SOWAHD: variants seen among roughly 807,000 people sequenced by gnomAD.
SOWAHD encodes the protein ankyrin repeat domain-containing protein SOWAHD.
For missense variants in SOWAHD, 295 were observed against 297.7 expected, an observed-to-expected ratio of 0.99 and a Z score of 0.07; for synonymous variants, 142 against 147.2, an observed-to-expected ratio of 0.96 and a Z score of 0.26.
rs772340940 is a variant in SOWAHD at position 119,759,280 on chromosome X, G to T, written c.613G>T (p.Val205Leu). The T allele has an allele frequency of 1.3e-5, 15 of 1,192,564 alleles. No individual in the cohort carries two copies. Among genetic ancestry groups the T allele is most frequent in the Non-Finnish European group, 1.7e-5 (15 of 887,723 alleles). ...ALQGHDMVIK[V>L]LVGALGADAT... ...TCAGGGCCACGACATGGTCATCAAGGTGCTGGTGGGCGCCCTGGGTGCTGA... is the reference window on the plus strand; with the variant it reads ...TCAGGGCCACGACATGGTCATCAAGTTGCTGGTGGGCGCCCTGGGTGCTGA... The change falls in exon 1 of 1, where the codon GTG becomes TTG. Residue 205 changes from valine (V) to leucine (L), a missense_variant. Physicochemically the swap from Val to Leu is conservative, Grantham distance 32. Transcript: ENST00000343905.
Position 119,758,777 on chromosome X carries a change from G to C in SOWAHD, c.110G>C (p.Gly37Ala). 8.5e-7 allele frequency: 1 copy of C among 1,172,100 alleles called. No homozygotes were observed. The highest frequency in any genetic ancestry group is 1.1e-6 in the Non-Finnish European group (1 of 882,634). Residue 37 changes from glycine (G) to alanine (A), a missense_variant, in exon 1 of 1, where the codon GGT becomes GCT. Transcript: ENST00000343905. ...CCCCGCCCCTCGAGAGCGGACACTG[G>C]TAGCCTGGGCAGGTACTGGGGCAAA... ...PQPRPSRADT[G>A]SLGRYWGKAA...
chrX:119,758,979 C>T lies in SOWAHD; in HGVS notation c.312C>T (p.Gly104=), dbSNP rs2055531538. ...AEELGGPSGP[G]SSRLCLEPRE... The stretch of plus-strand genomic sequence containing the variant: ...AGCTGGGCGGGCCGAGTGGGCCGGG[C>T]AGCAGCAGGCTGTGCCTGGAACCGC... The change falls in exon 1 of 1, where the codon GGC becomes GGT. Residue 104 remains glycine, a synonymous_variant. Transcript: ENST00000343905. 2.7e-6 allele frequency: 3 copies of T among 1,127,279 alleles called. No individual in the cohort carries two copies. The East Asian group carries it at 1.0e-4, about 38-fold the overall frequency. The allele number at this position is 1,127,279 out of a possible 1,213,427, so 92.9% of individuals were successfully genotyped here.
In SOWAHD at chrX:119,759,121, C is replaced by CT. The variant is rs1256190131; in HGVS notation, c.455dup (p.His153AlafsTer61). ...CGACCCGATCACCGGCTACTCGGTT[C>CT]TGCACTGGCTGGCCAAGCACGGGCG... On this transcript the variant is annotated frameshift_variant, in exon 1 of 1. Coordinates refer to ENST00000343905, the MANE Select transcript of SOWAHD (RefSeq NM_001105576.3). LOFTEE classifies it low-confidence loss of function (END_TRUNC). The CT allele has an allele frequency of 8.4e-7, 1 of 1,187,929 alleles. No homozygotes were observed. Among genetic ancestry groups the CT allele is most frequent in the Non-Finnish European group, 1.1e-6 (1 of 886,913 alleles).
rs768169201 is a variant in SOWAHD, at chrX:119,759,157, C to A, written c.490C>A (p.Leu164Ile). ...GGCCAAGCACGGGCGCCACGAGGAGCTCATTCTGGTACACGATTTCGCCCT... is the reference window on the plus strand; with the variant it reads ...GGCCAAGCACGGGCGCCACGAGGAGATCATTCTGGTACACGATTTCGCCCT... Reference protein sequence around the residue: ...WLAKHGRHEELILVHDFALRR... With the variant: ...WLAKHGRHEEIILVHDFALRR... The change falls in exon 1 of 1, where the codon CTC (leucine) becomes ATC (isoleucine). Residue 164 changes from leucine to isoleucine, a missense_variant. Transcript: ENST00000343905. 1.9e-5 allele frequency: 22 copies of A among 1,187,457 alleles called. No individual in the cohort carries two copies. Among genetic ancestry groups the A allele is most frequent in the East Asian group, 6.1e-5 (2 of 32,951 alleles).
In SOWAHD at chrX:119,758,735, T is replaced by G; in HGVS notation, c.68T>G (p.Leu23Arg). 8.6e-7 allele frequency: 1 copy of G among 1,167,258 alleles called. No individual in the cohort carries two copies. Among genetic ancestry groups the G allele is most frequent in the Non-Finnish European group, 1.1e-6 (1 of 880,250 alleles). Reference protein sequence around the residue: ...TASLAPTSQSLRCAPQPRPSR... With the variant: ...TASLAPTSQSRRCAPQPRPSR... Reference sequence around the variant, plus strand: ...TCTCTCGCGCCGACCTCGCAGAGCCTGCGGTGCGCCCCGCAGCCCCGCCCC... The same window carrying G: ...TCTCTCGCGCCGACCTCGCAGAGCCGGCGGTGCGCCCCGCAGCCCCGCCCC... The change falls in exon 1 of 1, where the codon CTG becomes CGG. Residue 23 changes from leucine to arginine, a missense_variant. Transcript: ENST00000343905.
In SOWAHD at chrX:119,759,719, C is replaced by CT; in HGVS notation, c.*106dup. On this transcript the variant is annotated 3_prime_UTR_variant, in exon 1 of 1. Transcript: ENST00000343905. ...CGAAGGAGAGGCGCCTTGGACGCTG[C>CT]TTGGGCCTGCAAGGAACAGAACACG... 1.2e-6 allele frequency: 1 copy of CT among 843,118 alleles called. No individual in the cohort carries two copies. The highest frequency in any genetic ancestry group is 1.6e-6 in the Non-Finnish European group (1 of 623,319). The allele number at this position is 843,118 out of a possible 1,213,427, so 69.5% of individuals were successfully genotyped here.
In SOWAHD at chrX:119,758,812, G is replaced by A; in HGVS notation, c.145G>A (p.Ala49Thr). 1 of 1,151,203 alleles carries A rather than the reference G, an allele frequency of 8.7e-7. No individual in the cohort carries two copies. The highest frequency in any genetic ancestry group is 1.8e-5 in the African/African-American group (1 of 54,649). The allele number at this position is 1,151,203 out of a possible 1,213,427, so 94.9% of individuals were successfully genotyped here. A position where few individuals can be genotyped will look rare whatever the true frequency, so the allele number is the denominator to read the frequency against. Residue 49 changes from alanine to threonine, a missense_variant, in exon 1 of 1, where the codon GCC (alanine) becomes ACC (threonine). Transcript: ENST00000343905. The stretch of plus-strand genomic sequence containing the variant: ...CAGGTACTGGGGCAAAGCCGCAGCC[G>A]CCGCCTCCCGGGAGCACCCCTTCCC... ...LGRYWGKAAA[A>T]ASREHPFPGT...
chrX:119,758,649 C>G lies in SOWAHD; in HGVS notation c.-19C>G. ...CTAACGCTGGACACTGGGACGGCCG[C>G]GGCGGCAGCTTCAAGACCATGGCCC... On this transcript the variant is annotated 5_prime_UTR_variant, in exon 1 of 1. Coordinates refer to ENST00000343905, the MANE Select transcript of SOWAHD (RefSeq NM_001105576.3). The G allele has an allele frequency of 9.4e-7, 1 of 1,066,945 alleles. No individual in the cohort carries two copies. The highest frequency in any genetic ancestry group is 1.2e-6 in the Non-Finnish European group (1 of 830,191). The allele number at this position is 1,066,945 out of a possible 1,213,427, so 87.9% of individuals were successfully genotyped here.
Position 119,759,005 on chromosome X carries a change from G to A in SOWAHD, c.338G>A (p.Arg113Gln). 2 of 1,150,945 alleles carry A rather than the reference G, an allele frequency of 1.7e-6. No individual in the cohort carries two copies. The highest frequency in any genetic ancestry group is 1.1e-6 in the Non-Finnish European group (1 of 871,141). 94.9% of individuals were successfully genotyped at this position (1,150,945 alleles called of 1,213,427 possible). The change falls in exon 1 of 1, where the codon CGG becomes CAG. Residue 113 changes from arginine to glutamine, a missense_variant. By Grantham distance (43) the Arg-to-Gln change is conservative (BLOSUM62 1). Coordinates refer to ENST00000343905, the MANE Select transcript of SOWAHD (RefSeq NM_001105576.3). ...PGSSRLCLEPREHAWILAAAE... is the reference protein window; with the variant it reads ...PGSSRLCLEPQEHAWILAAAE... ...AGCAGCAGGCTGTGCCTGGAACCGC[G>A]GGAGCACGCGTGGATTCTGGCAGCC... is the stretch of plus-strand genomic sequence containing the variant.
rs1357517243 is a variant in SOWAHD, at chrX:119,758,630, C to T, written c.-38C>T. 1 of 1,043,274 alleles carries T rather than the reference C, an allele frequency of 9.6e-7. No individual in the cohort carries two copies. Among genetic ancestry groups the T allele is most frequent in the South Asian group, 2.6e-5 (1 of 38,252 alleles). 86.0% of individuals were successfully genotyped at this position (1,043,274 alleles called of 1,213,427 possible). ...TGGGGCCCGGGAAGGGCAGCTAACGCTGGACACTGGGACGGCCGCGGCGGC... is the reference window on the plus strand; with the variant it reads ...TGGGGCCCGGGAAGGGCAGCTAACGTTGGACACTGGGACGGCCGCGGCGGC... On this transcript the variant is annotated 5_prime_UTR_variant, in exon 1 of 1. Transcript: ENST00000343905.
chrX:119,759,514 G>A lies in SOWAHD; in HGVS notation c.847G>A (p.Val283Met). The change falls in exon 1 of 1, where the codon GTG (valine) becomes ATG (methionine). Residue 283 changes from valine (V) to methionine (M), a missense_variant. Transcript: ENST00000343905. ...GATAVETSRR[V>M]AASRTKAKDT... ...GACGGCTGTGGAGACAAGCAGGAGAGTGGCAGCGTCGCGGACCAAGGCGAA... is the reference window on the plus strand; with the variant it reads ...GACGGCTGTGGAGACAAGCAGGAGAATGGCAGCGTCGCGGACCAAGGCGAA... 5.8e-6 allele frequency: 7 copies of A among 1,201,238 alleles called. No homozygotes were observed. Among genetic ancestry groups the A allele is most frequent in the Non-Finnish European group, 7.9e-6 (7 of 889,423 alleles).
chrX:119,760,057 G>A lies in SOWAHD; in HGVS notation c.*442G>A, dbSNP rs1427070718. On this transcript the variant is annotated 3_prime_UTR_variant, in exon 1 of 1. Transcript: ENST00000343905. ...ACGCCTAACTCTGCCGGCCTCGCTC[G>A]GCCATTAATGGGTCTTGGGGTGCGG... 4 of 133,235 alleles carry A rather than the reference G, an allele frequency of 3.0e-5. No homozygotes were observed. The allele number at this position is 133,235 out of a possible 1,213,427, so 11.0% of individuals were successfully genotyped here.
In SOWAHD at chrX:119,759,446, G is replaced by C. The variant is rs775609256; in HGVS notation, c.779G>C (p.Ser260Thr). ...GGGTGCACCAACCTGAACAACAACAGCAGTGGCACCACTGCGTGGAGGGCC... is the reference window on the plus strand; with the variant it reads ...GGGTGCACCAACCTGAACAACAACACCAGTGGCACCACTGCGTGGAGGGCC... ...GSGCTNLNNN[S>T]SGTTAWRAAS... The change falls in exon 1 of 1, where the codon AGC becomes ACC. Residue 260 changes from serine (S) to threonine (T), a missense_variant. Physicochemically the swap from Ser to Thr is moderately conservative, Grantham distance 58 (BLOSUM62 1). Transcript: ENST00000343905. 6 of 1,201,359 alleles carry C rather than the reference G, an allele frequency of 5.0e-6. No homozygotes were observed. The highest frequency in any genetic ancestry group is 6.7e-6 in the Non-Finnish European group (6 of 890,057).
In SOWAHD at chrX:119,758,653, G is replaced by C. The variant is rs748134672; in HGVS notation, c.-15G>C. ...CGCTGGACACTGGGACGGCCGCGGC[G>C]GCAGCTTCAAGACCATGGCCCAGCT... On this transcript the variant is annotated 5_prime_UTR_variant, in exon 1 of 1. Transcript: ENST00000343905. The C allele has an allele frequency of 4.7e-6, 5 of 1,071,371 alleles. No homozygotes were observed. Among genetic ancestry groups the C allele is most frequent in the Non-Finnish European group, 4.8e-6 (4 of 832,737 alleles). 88.3% of individuals were successfully genotyped at this position (1,071,371 alleles called of 1,213,427 possible). A position where few individuals can be genotyped will look rare whatever the true frequency, so the allele number is the denominator to read the frequency against.
In SOWAHD at chrX:119,759,040, C is replaced by T. The variant is rs1171616543; in HGVS notation, c.373C>T (p.Arg125Cys). 1 of 1,171,750 alleles carries T rather than the reference C, an allele frequency of 8.5e-7. No individual in the cohort carries two copies. The highest frequency in any genetic ancestry group is 1.9e-5 in the South Asian group (1 of 53,474). Residue 125 changes from arginine to cysteine, a missense_variant, in exon 1 of 1, where the codon CGC becomes TGC. By Grantham distance (180) the Arg-to-Cys change is radical. Transcript: ENST00000343905. ...GTGGATTCTGGCAGCCGCCGAGGGCCGCTATGAGGTGCTGCGGGAGCTGCT... is the reference window on the plus strand; with the variant it reads ...GTGGATTCTGGCAGCCGCCGAGGGCTGCTATGAGGTGCTGCGGGAGCTGCT... ...HAWILAAAEG[R>C]YEVLRELLEA...
chrX:119,759,219 C>G lies in SOWAHD; in HGVS notation c.552C>G (p.Gly184=). ...TGAGGCTCGACGTGAGCGCCCCAGGCAGCGGCGGCCTCACGCCCCTCCACC... is the reference window on the plus strand; with the variant it reads ...TGAGGCTCGACGTGAGCGCCCCAGGGAGCGGCGGCCTCACGCCCCTCCACC... ...RGLRLDVSAP[G]SGGLTPLHLA... Residue 184 remains glycine (G), a synonymous_variant, in exon 1 of 1, where the codon GGC becomes GGG. Transcript: ENST00000343905. The G allele has an allele frequency of 8.5e-7, 1 of 1,182,866 alleles. No individual in the cohort carries two copies. Among genetic ancestry groups the G allele is most frequent in the Non-Finnish European group, 1.1e-6 (1 of 883,395 alleles).
Position 119,759,343 on chromosome X carries a change from C to G in SOWAHD, c.676C>G (p.His226Asp). ...RRDHSGHRAC[H>D]YLRPDAPWRL... The stretch of plus-strand genomic sequence containing the variant: ...CGACCACAGCGGCCACCGGGCCTGC[C>G]ACTACCTGCGGCCCGACGCGCCTTG... Residue 226 changes from histidine to aspartate, a missense_variant, in exon 1 of 1, where the codon CAC becomes GAC. Transcript: ENST00000343905. The G allele has an allele frequency of 8.4e-7, 1 of 1,193,864 alleles. No homozygotes were observed.
In SOWAHD at chrX:119,759,809, C is replaced by T. The variant is rs1172400249; in HGVS notation, c.*194C>T. On this transcript the variant is annotated 3_prime_UTR_variant, in exon 1 of 1. Coordinates refer to ENST00000343905, the MANE Select transcript of SOWAHD (RefSeq NM_001105576.3). ...ACCACCGGCCTGGAGGACCCGGGGA[C>T]TCGGGCACCACCTCACCAAGAGAGA... The T allele has an allele frequency of 2.7e-6, 1 of 368,488 alleles. No homozygotes were observed. The highest frequency in any genetic ancestry group is 4.6e-6 in the Non-Finnish European group (1 of 215,727). The allele number at this position is 368,488 out of a possible 1,213,427, so 30.4% of individuals were successfully genotyped here.
In SOWAHD at chrX:119,759,032, C is replaced by G. The variant is rs1365028352; in HGVS notation, c.365C>G (p.Ala122Gly). The G allele has an allele frequency of 5.1e-6, 6 of 1,165,702 alleles. No homozygotes were observed. The highest frequency in any genetic ancestry group is 6.8e-6 in the Non-Finnish European group (6 of 878,940). Residue 122 changes from alanine (A) to glycine (G), a missense_variant, in exon 1 of 1, where the codon GCC becomes GGC. Physicochemically the swap from Ala to Gly is moderately conservative, Grantham distance 60. Transcript: ENST00000343905. ...GAGCACGCGTGGATTCTGGCAGCCG[C>G]CGAGGGCCGCTATGAGGTGCTGCGG... ...PREHAWILAA[A>G]EGRYEVLREL...
Sources: allele counts gnomAD v4.1 joint callset, GRCh38; gene constraint gnomAD v4.1.1; transcripts MANE v1.5; gene names NCBI Gene and HGNC (gene_info 2026-07-23, HGNC 2026-07-21).